NAALADL2: variants seen among roughly 807,000 people sequenced by gnomAD.
NAALADL2 encodes N-acetylated alpha-linked acidic dipeptidase like 2.
Under a neutral mutation model 87.2 loss-of-function variants are expected in NAALADL2, and 76 were observed. That is an observed-to-expected ratio of 0.87 (90% CI 0.72 to 1.05). NAALADL2 has a LOEUF of 1.05. Ranked by LOEUF, NAALADL2 falls within the 50% of genes least tolerant of loss-of-function variation. The pLI is 0.00. For synonymous variants in NAALADL2, 354 were observed against 331.0 expected, an observed-to-expected ratio of 1.07 and a Z score of -0.75; for missense variants, 1,089 against 945.8, an observed-to-expected ratio of 1.15 and a Z score of -1.99.
chr3:174,539,905 A>C (rs973045419), intron 1 of NAALADL2, among the ~76,000 whole-genome samples: 1 of 144,168 alleles, frequency 6.9e-6, no homozygotes, highest in Non-Finnish European at 1.5e-5. Context: ...TCAACCTCAG[A>C]GTTACTGATG....
At chr3:175,785,082 T>C (rs1751735769) in intron 13 of NAALADL2, among the ~76,000 whole-genome samples, 2 of 151,288 alleles carry the variant, frequency 1.3e-5, no homozygotes, top group Admixed American at 6.6e-5. Flanking sequence ...TTTGTTATAA[T>C]GTCTGTTCTT....
chr3:174,943,612 G>T (rs1579649311), intron 1 of NAALADL2, among the ~76,000 whole-genome samples: 1 of 152,306 alleles, frequency 6.6e-6, no homozygotes, highest in East Asian at 1.9e-4. Context: ...AAGAGTTTTT[G>T]CTTGTCTTCT....
At chr3:174,817,155 C>T (rs377501288) in intron 3 of NAALADL2, among the ~76,000 whole-genome samples, 27 of 152,250 alleles carry the variant, frequency 1.8e-4, no homozygotes, top group African/African-American at 6.3e-4. Context: ...CATTGAGTGA[C>T]TAGATAATCC....
chr3:174,807,378 C>T (rs771793156), intron 3 of NAALADL2, among the ~76,000 whole-genome samples: 4 of 152,020 alleles, frequency 2.6e-5, no homozygotes, highest in Admixed American at 6.6e-5. Flanking sequence ...CTTGCTCATA[C>T]GATGCACTTA....
At chr3:175,002,210 G>C (rs1355455078) in intron 1 of NAALADL2, among the ~76,000 whole-genome samples, 2 of 152,140 alleles carry the variant, frequency 1.3e-5, no homozygotes, top group Admixed American at 6.5e-5. Context: ...AGGTCACAAA[G>C]ACTTGCAGAT....
chr3:175,218,537 T>TG (rs556568462), intron 2 of NAALADL2, among the ~76,000 whole-genome samples: 1,848 of 152,282 alleles, frequency 0.012, 43 homozygotes, highest in African/African-American at 0.043. Flanking sequence ...TTTTATAAAG[T>TG]GAACTTACCA....
intron 2 of NAALADL2, among the ~76,000 whole-genome samples, chr3:174,691,706 A>C (rs141056874): frequency 3.4e-4 from 52 of 152,330 alleles, no homozygotes; most frequent in Non-Finnish European, 3.4e-4. Context: ...AAATTTCTCT[A>C]AATACTGGAG....
chr3:175,342,953 A>T (rs1320266149), intron 5 of NAALADL2, among the ~76,000 whole-genome samples: 1 of 152,090 alleles, frequency 6.6e-6, no homozygotes, highest in African/African-American at 2.4e-5. Flanking sequence ...GAAATTTAGC[A>T]TAATATTTCT....
chr3:174,605,679 G>A (rs1578287468), intron 2 of NAALADL2, among the ~76,000 whole-genome samples: 2 of 152,108 alleles, frequency 1.3e-5, no homozygotes, highest in African/African-American at 4.8e-5. Context: ...GAACTGGGTG[G>A]AGCCCACCAC....
chr3:175,620,924 T>G (rs975678567), intron 10 of NAALADL2, among the ~76,000 whole-genome samples: 1 of 152,166 alleles, frequency 6.6e-6, no homozygotes, highest in Non-Finnish European at 1.5e-5. Context: ...AGCCCTCAGC[T>G]TCAAGAGGGG....
At chr3:175,457,194 C>G (rs1722442688) in intron 6 of NAALADL2, among the ~76,000 whole-genome samples, 1 of 152,008 alleles carries the variant, frequency 6.6e-6, no homozygotes, top group African/African-American at 2.4e-5. Context: ...GTTCTACCTG[C>G]CCCTACCATG....
intron 1 of NAALADL2, among the ~76,000 whole-genome samples, chr3:174,928,641 A>G: frequency 6.6e-6 from 1 of 152,248 alleles, no homozygotes; most frequent in Non-Finnish European, 1.5e-5. Flanking sequence ...CGCAACAGAA[A>G]TTGCCAAGCA....
intron 5 of NAALADL2, among the ~76,000 whole-genome samples, chr3:175,344,807 A>G (rs183012161): frequency 6.2e-4 from 95 of 152,300 alleles, no homozygotes; most frequent in Non-Finnish European, 9.7e-4. Context: ...CTGAAAAACA[A>G]TAATTTATTA....
intron 1 of NAALADL2, among the ~76,000 whole-genome samples, chr3:174,531,378 C>T (rs1321874884): frequency 6.6e-6 from 1 of 152,006 alleles, no homozygotes; most frequent in Non-Finnish European, 1.5e-5. Context: ...TACCTTTTAA[C>T]TCATGTAATC....
At position 174,497,392 on chromosome 3, in the gene NAALADL2, C is replaced by G. The variant is rs150585071; in HGVS notation, c.-183-53177C>G. On this transcript the variant is annotated intron_variant, in intron 1 of 3. Coordinates refer to the NAALADL2 transcript ENST00000434257. ...CTATAATTCCAGCACTTTGGGAGGC[C>G]AAGGATTAAACTCCTGGCTTGAACC... 6.7e-4 allele frequency among the ~76,000 whole-genome samples: 102 copies of G among 151,944 alleles called. 1 individual carries two copies. In the East Asian group the frequency reaches 0.018, roughly 27 times the overall value.
intron 1 of NAALADL2, among the ~76,000 whole-genome samples, chr3:174,520,303 C>T (rs568887683): frequency 4.6e-5 from 7 of 152,244 alleles, no homozygotes; most frequent in Non-Finnish European, 1.0e-4. Context: ...CACATTACGA[C>T]TTCAAACTTT....
intron 1 of NAALADL2, among the ~76,000 whole-genome samples, chr3:174,943,575 G>A (rs914246868): frequency 5.3e-5 from 8 of 152,174 alleles, no homozygotes; most frequent in African/African-American, 1.4e-4. Flanking sequence ...GGCAGCAGAC[G>A]AAGGGACCCT....
At chr3:175,678,730 G>T (rs184920978) in intron 11 of NAALADL2, among the ~76,000 whole-genome samples, 42 of 152,144 alleles carry the variant, frequency 2.8e-4, no homozygotes, top group East Asian at 2.3e-3. Flanking sequence ...GTCGTGGGGT[G>T]GGGGGAGAGG....
intron 2 of NAALADL2, among the ~76,000 whole-genome samples, chr3:175,105,642 G>GACACACACAC (rs57274941): frequency 1.7e-4 from 24 of 144,548 alleles, no homozygotes; most frequent in African/African-American, 6.1e-4. Flanking sequence ...AATACACACA[G>GACACACACAC]ACACACACAC....
Sources: allele counts gnomAD v4.1 joint callset (sites outside exome capture counted in the v4.1 genomes callset), GRCh38; gene constraint gnomAD v4.1.1; transcripts MANE v1.5; gene names NCBI Gene and HGNC (gene_info 2026-07-23, HGNC 2026-07-21).